CPAMD8: variants seen among roughly 807,000 people sequenced by gnomAD.
The protein encoded by CPAMD8 is C3 and PZP like alpha-2-macroglobulin domain containing 8, also known as C3 and PZP-like alpha-2-macroglobulin domain-containing protein 8.
CPAMD8 carries 146 observed loss-of-function variants against 224.7 expected under a neutral mutation model. That is an observed-to-expected ratio of 0.65 (90% CI 0.57 to 0.75). The LOEUF is 0.75. CPAMD8 is among the 30% of genes least tolerant of loss of function. The probability of loss-of-function intolerance (pLI) is 0.00; values close to 1 mark genes in which losing one functional copy is unlikely to be tolerated. For missense variants in CPAMD8, 2,301 were observed against 2,537.5 expected, an observed-to-expected ratio of 0.91 and a Z score of 2.00; for synonymous variants, 966 against 1,044.6, an observed-to-expected ratio of 0.92 and a Z score of 1.45.
intron 1 of CPAMD8, among the ~76,000 whole-genome samples, chr19:17,025,326 C>T (rs2057050270): frequency 6.6e-6 from 1 of 152,162 alleles, no homozygotes; most frequent in Admixed American, 6.5e-5. Flanking sequence ...GCAGGAGAGT[C>T]ATTTGAACCT....
At chr19:17,014,826 C>T (rs1005426408) in intron 3 of CPAMD8, among the ~76,000 whole-genome samples, 2 of 152,160 alleles carry the variant, frequency 1.3e-5, no homozygotes, top group Non-Finnish European at 2.9e-5. Context: ...ACCATATTAC[C>T]TCCCTCTATG....
intron 15 of CPAMD8, among the ~76,000 whole-genome samples, chr19:16,977,109 A>G (rs564711032): frequency 2.6e-5 from 4 of 152,258 alleles, no homozygotes; most frequent in African/African-American, 7.2e-5. Flanking sequence ...GCCAATGGAA[A>G]CAAGTGCTGT....
chr19:16,927,158 T>G (rs935983490), intron 25 of CPAMD8, among the ~76,000 whole-genome samples: 1 of 151,836 alleles, frequency 6.6e-6, no homozygotes, highest in African/African-American at 2.4e-5. Flanking sequence ...CAACCAAATC[T>G]TGTCTTGAAT....
intron 21 of CPAMD8, among the ~76,000 whole-genome samples, chr19:16,946,553 G>A (rs984799572): frequency 2.2e-4 from 33 of 149,334 alleles, no homozygotes; most frequent in African/African-American, 7.4e-4. Flanking sequence ...ACATGTGGGC[G>A]TGTGTGTGGA....
chr19:16,934,964 C>G (rs1405974394), intron 23 of CPAMD8, among the ~76,000 whole-genome samples: 1 of 152,100 alleles, frequency 6.6e-6, no homozygotes, highest in East Asian at 1.9e-4. Context: ...TTACATTAAG[C>G]ACTCGCTCCC....
At chr19:16,905,614 G>A (rs970023155) in intron 30 of CPAMD8, among the ~76,000 whole-genome samples, 9 of 145,880 alleles carry the variant, frequency 6.2e-5, no homozygotes, top group Admixed American at 1.4e-4. Context: ...TTCTGAGCTC[G>A]CATGAGGTGT....
In CPAMD8 at chr19:16,899,023, C is replaced by T. The variant is rs886956327; in HGVS notation, c.4848+452G>A. On this transcript the variant is annotated intron_variant, in intron 37 of 41. Transcript: ENST00000443236. The surrounding 1 kb of genome is among the most constrained non-coding windows in gnomAD (Gnocchi z 5.4). ...ACAACCTCCGCCTCCCAGGTTCAAACGACTCTCCTGCCTCAGCCTCCCAAA... is the reference window on the plus strand; with the variant it reads ...ACAACCTCCGCCTCCCAGGTTCAAATGACTCTCCTGCCTCAGCCTCCCAAA... 1.7e-4 allele frequency among the ~76,000 whole-genome samples: 26 copies of T among 152,026 alleles called. No homozygotes were observed. The highest frequency in any genetic ancestry group is 1.3e-3 in the Admixed American group (20 of 15,262).
At position 16,989,750 on chromosome 19, in the gene CPAMD8, C is replaced by T. The variant is rs764299917; in HGVS notation, c.1288G>A (p.Gly430Arg). ...WLETKVMALN[G>R]KPVGAQYLPS... ...AGGTACTGAGCCCCCACAGGCTTCCCGTTCAGTGCCATCACCTTGGTCTGA... is the reference window on the plus strand; with the variant it reads ...AGGTACTGAGCCCCCACAGGCTTCCTGTTCAGTGCCATCACCTTGGTCTGA... The change falls in exon 13 of 42, where the codon GGG becomes AGG. Residue 430 changes from glycine (G) to arginine (R), a missense_variant. Around this residue, in one of 4 missense-constraint regions of CPAMD8, gnomAD observed 301 missense variants for 406.6 expected, o/e 0.74. Transcript: ENST00000443236. 3.0e-5 allele frequency: 48 copies of T among 1,613,856 alleles called. No homozygotes were observed. Among genetic ancestry groups the T allele is most frequent in the Non-Finnish European group, 3.4e-5 (40 of 1,179,918 alleles).
intron 8 of CPAMD8, among the ~76,000 whole-genome samples, chr19:17,003,205 C>CT (rs564105217): frequency 0.048 from 6,996 of 146,852 alleles, 211 homozygotes; most frequent in Non-Finnish European, 0.074. Context: ...GCCTGGCCAC[C>CT]TTTTTTTTTT....
chr19:16,938,511 G>T, intron 22 of CPAMD8, 65 bp from the exon 23 acceptor site: 1 of 865,950 alleles, frequency 1.2e-6, no homozygotes. Context: ...GCTCAGCGGA[G>T]CAGCTGGCTC....
intron 22 of CPAMD8, among the ~76,000 whole-genome samples, chr19:16,939,502 C>T (rs1207739770): frequency 1.3e-5 from 2 of 152,066 alleles, no homozygotes; most frequent in Non-Finnish European, 2.9e-5. Flanking sequence ...AGACACCGTG[C>T]CCAGCCTAGG....
chr19:16,961,889 A>G (rs949105853), intron 18 of CPAMD8, among the ~76,000 whole-genome samples: 1 of 152,218 alleles, frequency 6.6e-6, no homozygotes, highest in African/African-American at 2.4e-5. Context: ...GGTGATACGC[A>G]GGCAGACAGG....
chr19:16,948,340 T>C (rs2054173984), intron 20 of CPAMD8, among the ~76,000 whole-genome samples: 1 of 152,064 alleles, frequency 6.6e-6, no homozygotes, highest in South Asian at 2.1e-4. Context: ...GCATACATGA[T>C]AGAGTCCTGA....
At chr19:16,937,363 T>C (rs2053728909) in intron 23 of CPAMD8, among the ~76,000 whole-genome samples, 1 of 152,196 alleles carries the variant, frequency 6.6e-6, no homozygotes, top group South Asian at 2.1e-4. Flanking sequence ...TTCACCATGT[T>C]GCCCAGGCTG....
chr19:16,895,523 T>G, intron 41 of CPAMD8: 1 of 210,530 alleles, frequency 4.7e-6, no homozygotes. Context: ...GTTGCAGGTG[T>G]TGAGGGGAGA....
chr19:16,946,696 G>A (rs1342425648), intron 21 of CPAMD8, among the ~76,000 whole-genome samples: 2 of 148,268 alleles, frequency 1.3e-5, no homozygotes, highest in East Asian at 4.0e-4. Context: ...ACGTGGGTGT[G>A]TGTGTGGATT....
At position 16,974,956 on chromosome 19, in the gene CPAMD8, C is replaced by T. The variant is rs940302988; in HGVS notation, c.2070+141G>A. 1.2e-5 allele frequency: 14 copies of T among 1,155,170 alleles called. No individual in the cohort carries two copies. The Admixed American group carries it at 2.8e-4, about 23-fold the overall frequency. 71.6% of individuals were successfully genotyped at this position (1,155,170 alleles called of 1,614,324 possible). On this transcript the variant is annotated intron_variant, in intron 17 of 41. Coordinates refer to ENST00000443236, the MANE Select transcript of CPAMD8 (RefSeq NM_015692.5). ...CACCACTGCACTCCAGCCTGGGCCA[C>T]AGAGCGAGACCCCATCTCGAAAAAA... is the stretch of plus-strand genomic sequence containing the variant.
intron 18 of CPAMD8, among the ~76,000 whole-genome samples, chr19:16,969,528 T>C (rs1182791372): frequency 6.6e-6 from 1 of 152,112 alleles, no homozygotes; most frequent in East Asian, 1.9e-4. Context: ...GTGAAGCTTC[T>C]AGGAGATGAT....
chr19:16,935,214 A>T (rs545755529), intron 23 of CPAMD8, among the ~76,000 whole-genome samples: 6 of 152,324 alleles, frequency 3.9e-5, no homozygotes, highest in East Asian at 1.9e-4. Flanking sequence ...GCAAAATCAC[A>T]ATCAGGAATA....
Sources: allele counts gnomAD v4.1 joint callset (sites outside exome capture counted in the v4.1 genomes callset), GRCh38; gene constraint gnomAD v4.1.1; regional missense constraint gnomAD v4.1.1; non-coding constraint Gnocchi (gnomAD v3.1); transcripts MANE v1.5; gene names NCBI Gene and HGNC (gene_info 2026-07-23, HGNC 2026-07-21).